The following CYFIP1 variants were observed in gnomAD, a reference collection of about 807,000 sequenced individuals.
CYFIP1 encodes cytoplasmic FMR1-interacting protein 1.
In CYFIP1, 58 loss-of-function variants were observed where a neutral mutation model predicts 163.5. That is an observed-to-expected ratio of 0.35 (90% CI 0.29 to 0.44). The LOEUF (loss-of-function observed/expected upper bound fraction) is 0.44, where lower values mean the gene tolerates loss of function less well. CYFIP1 is among the 20% of genes least tolerant of loss of function. The probability of loss-of-function intolerance (pLI) is 1.00; values close to 1 mark genes in which losing one functional copy is unlikely to be tolerated. For missense variants in CYFIP1, 1,338 were observed against 1,653.8 expected, an observed-to-expected ratio of 0.81 and a Z score of 3.31; for synonymous variants, 663 against 660.7, an observed-to-expected ratio of 1.00 and a Z score of -0.05.
intron 22 of CYFIP1, among the ~76,000 whole-genome samples, chr15:22,894,278 C>CTTT (rs57603773): frequency 7.6e-5 from 5 of 65,460 alleles, no homozygotes; most frequent in Admixed American, 7.0e-4. Context: ...GCAGACTTTT[C>CTTT]TTTTTTTTTT....
At chr15:22,919,640 T>C (rs140261580) in intron 13 of CYFIP1, among the ~76,000 whole-genome samples, 1 of 152,194 alleles carries the variant, frequency 6.6e-6, no homozygotes, top group East Asian at 1.9e-4. Flanking sequence ...AGTGGAACAT[T>C]TAATAGCACC....
chr15:22,948,651 C>T (rs2062139618), intron 1 of CYFIP1, among the ~76,000 whole-genome samples: 1 of 152,072 alleles, frequency 6.6e-6, no homozygotes, highest in South Asian at 2.1e-4. Flanking sequence ...CAATTATCCA[C>T]CCGACTTTAA....
chr15:22,898,360 C>T (rs2060297067), intron 22 of CYFIP1, among the ~76,000 whole-genome samples: 1 of 151,998 alleles, frequency 6.6e-6, no homozygotes, highest in South Asian at 2.1e-4. Flanking sequence ...TGGGTTCAAG[C>T]AATTCTCCTG....
Position 22,917,308 on chromosome 15 carries a change from A to G in CYFIP1, c.1674+480T>C. 2 of 1,325,830 alleles carry G rather than the reference A, an allele frequency of 1.5e-6. No homozygotes were observed. The highest frequency in any genetic ancestry group is 1.9e-6 in the Non-Finnish European group (2 of 1,041,730). The allele number at this position is 1,325,830 out of a possible 1,614,324, so 82.1% of individuals were successfully genotyped here. A position where few individuals can be genotyped will look rare whatever the true frequency, so the allele number is the denominator to read the frequency against. ...AGGACAGACGCAGCGGTGTGGATTA[A>G]ACCGGGTGTGAAAGTCGTGAGAAGC... is the stretch of plus-strand genomic sequence containing the variant. On this transcript the variant is annotated intron_variant, in intron 15 of 30. Transcript: ENST00000617928. This position sits in a 1 kb window ranked among gnomAD's most constrained non-coding sequence, Gnocchi z 4.2.
At chr15:22,876,657 C>T (rs997416693) in intron 26 of CYFIP1, among the ~76,000 whole-genome samples, 1 of 151,846 alleles carries the variant, frequency 6.6e-6, no homozygotes, top group African/African-American at 2.4e-5. Context: ...CATGGAGAAA[C>T]CCCATCTCTA....
In CYFIP1 at chr15:22,892,917, T is replaced by C; in HGVS notation, c.2649A>G (p.Ala883=). 6.2e-7 allele frequency: 1 copy of C among 1,613,652 alleles called. No homozygotes were observed. The highest frequency in any genetic ancestry group is 1.1e-5 in the South Asian group (1 of 91,076). Residue 883 remains alanine, a synonymous_variant, in exon 23 of 31, where the codon GCA becomes GCG. Transcript: ENST00000617928. Reference sequence around the variant, plus strand: ...TGGATCCATGCAGATACTGAGGCTGTGCATTAGGCTGCTTATCTCTTTGAA... The same window carrying C: ...TGGATCCATGCAGATACTGAGGCTGCGCATTAGGCTGCTTATCTCTTTGAA... ...QEFQRDKQPN[A]QPQYLHGSKA...
rs1312255375 is a variant in CYFIP1, at chr15:22,868,994, T to C, written c.*1034A>G. 6.6e-6 allele frequency: 1 copy of C among 152,206 alleles called. No individual in the cohort carries two copies. Among genetic ancestry groups the C allele is most frequent in the African/African-American group, 2.4e-5 (1 of 41,444 alleles). 9.4% of individuals were successfully genotyped at this position (152,206 alleles called of 1,614,324 possible). A position where few individuals can be genotyped will look rare whatever the true frequency, so the allele number is the denominator to read the frequency against. ...GTACTTTTTAAAATATGGCTTTAGT[T>C]TCTCAAACATGTTCGTGACTCTACT... On this transcript the variant is annotated 3_prime_UTR_variant, in exon 31 of 31. Coordinates refer to ENST00000617928, the MANE Select transcript of CYFIP1 (RefSeq NM_014608.6).
At chr15:22,883,763 GCCGAGATCGCGC>G (rs1458171862) in intron 23 of CYFIP1, among the ~76,000 whole-genome samples, 2 of 145,768 alleles carry the variant, frequency 1.4e-5, no homozygotes, top group Non-Finnish European at 3.0e-5. Context: ...CTTGCAGTGA[GCCGAGATCGCGC>G]CACTGCACTC....
intron 16 of CYFIP1, among the ~76,000 whole-genome samples, chr15:22,915,278 G>A (rs532846725): frequency 1.3e-5 from 2 of 152,042 alleles, no homozygotes; most frequent in African/African-American, 2.4e-5. Context: ...ACACAGGCAC[G>A]TGCCACCAAC....
intron 10 of CYFIP1, among the ~76,000 whole-genome samples, chr15:22,932,932 A>G (rs1004403711): frequency 5.9e-5 from 9 of 152,004 alleles, no homozygotes; most frequent in African/African-American, 1.7e-4. Context: ...TAGACTACTC[A>G]AGTGATCCTC....
chr15:22,943,446 C>A, intron 5 of CYFIP1, 92 bp from the exon 6 acceptor site: 2 of 1,340,206 alleles, frequency 1.5e-6, no homozygotes, highest in Non-Finnish European at 2.1e-6. Context: ...CACTGCTCCT[C>A]GATGAGAAAC....
chr15:22,928,012 C>T lies in CYFIP1; in HGVS notation c.1127G>A (p.Gly376Asp), dbSNP rs764142164. 2 of 1,570,670 alleles carry T rather than the reference C, an allele frequency of 1.3e-6. No homozygotes were observed. Among genetic ancestry groups the T allele is most frequent in the South Asian group, 1.2e-5 (1 of 85,900 alleles). The part of the protein sequence containing the change: ...YSNSEVVTGS[G>D]RQEAQKTDAE... ...GTCCGTCTTCTGGGCCTCCTGGCGG[C>T]CCGAGCCCGTGACCACCTGCACAAG... Residue 376 changes from glycine (G) to aspartate (D), a missense_variant, in exon 12 of 31, where the codon GGC becomes GAC. Gly to Asp is a moderately conservative substitution (Grantham distance 94). Transcript: ENST00000617928.
Position 22,867,458 on chromosome 15 carries a change from T to G in CYFIP1, c.*2570A>C. On this transcript the variant is annotated 3_prime_UTR_variant, in exon 31 of 31. Transcript: ENST00000617928. The stretch of plus-strand genomic sequence containing the variant: ...TTGAGATGATCACCGTGAATCCGGC[T>G]TCCTCTGAGCATTCGATGGCCTTAG... 1 of 343,282 alleles carries G rather than the reference T, an allele frequency of 2.9e-6. No homozygotes were observed. 21.3% of individuals were successfully genotyped at this position (343,282 alleles called of 1,614,324 possible). A position where few individuals can be genotyped will look rare whatever the true frequency, so the allele number is the denominator to read the frequency against.
rs546346809 is a variant in CYFIP1 at position 22,955,763 on chromosome 15, C to T, written c.-6-8472G>A. On this transcript the variant is annotated intron_variant, in intron 1 of 30. Transcript: ENST00000617928. The stretch of plus-strand genomic sequence containing the variant: ...ACGGGCTCAGGGCATCAGCCAGTGC[C>T]TCCCCATGCTGCCCTTGGGGAACCC... Among the ~76,000 whole-genome samples, 6 of 152,312 alleles carry T rather than the reference C, an allele frequency of 3.9e-5. 1 individual carries two copies. In the Middle Eastern group the frequency reaches 0.02, roughly 518 times the overall value.
At position 22,943,711 on chromosome 15, in the gene CYFIP1, G is replaced by T. The variant is rs530407223; in HGVS notation, c.388-357C>A. 8.6e-4 allele frequency among the ~76,000 whole-genome samples: 131 copies of T among 152,172 alleles called. 2 individuals carry two copies. The highest frequency in any genetic ancestry group is 2.9e-3 in the African/African-American group (122 of 41,498). ...ACTGGGAGAGATTTTTTTCCTCTTG[G>T]TAACTTTCAAGGTAAAACAAAAATT... On this transcript the variant is annotated intron_variant, in intron 5 of 30. Transcript: ENST00000617928.
At position 22,914,901 on chromosome 15, in the gene CYFIP1, C is replaced by T; in HGVS notation, c.1829-19G>A. ...AGCGTTTCTGGGAGGGTTCAAACAACTCCATGTTATCTCCCGCAAGCAAAA... is the reference window on the plus strand; with the variant it reads ...AGCGTTTCTGGGAGGGTTCAAACAATTCCATGTTATCTCCCGCAAGCAAAA... On this transcript the variant is annotated intron_variant, in intron 16 of 30. Transcript: ENST00000617928. 6.3e-7 allele frequency: 1 copy of T among 1,593,118 alleles called. No individual in the cohort carries two copies. The highest frequency in any genetic ancestry group is 1.1e-5 in the South Asian group (1 of 87,866).
chr15:22,876,526 A>G (rs2059589222), intron 26 of CYFIP1, among the ~76,000 whole-genome samples: 1 of 152,094 alleles, frequency 6.6e-6, no homozygotes, highest in African/African-American at 2.4e-5. Flanking sequence ...AAATAATTAT[A>G]GAACCACAAG....
chr15:22,885,922 G>A (rs1404404514), intron 23 of CYFIP1, among the ~76,000 whole-genome samples: 1 of 152,070 alleles, frequency 6.6e-6, no homozygotes, highest in Non-Finnish European at 1.5e-5. Flanking sequence ...CCAATTTACT[G>A]TATTAGTCCA....
intron 13 of CYFIP1, among the ~76,000 whole-genome samples, chr15:22,923,872 G>A (rs2061269217): frequency 7.5e-6 from 1 of 133,070 alleles, no homozygotes; most frequent in Non-Finnish European, 1.5e-5. Flanking sequence ...GAGCCCAGAA[G>A]ATTGAGGCTG....
Sources: gnomAD v4.1 joint callset for allele counts (sites outside exome capture counted in the v4.1 genomes callset) on GRCh38, gnomAD v4.1.1 for gene constraint, Gnocchi (gnomAD v3.1) non-coding constraint, MANE v1.5 for transcripts, NCBI Gene and HGNC (gene_info 2026-07-23, HGNC 2026-07-21) for gene names.